Variants in ENPP6 observed in about 807,000 individuals in gnomAD.
ENPP6 encodes the protein ectonucleotide pyrophosphatase/phosphodiesterase 6, also known as glycerophosphocholine cholinephosphodiesterase ENPP6.
Under a neutral mutation model 42.0 loss-of-function variants are expected in ENPP6, and 32 were observed. The observed-to-expected ratio is 0.76, with a 90% CI of 0.58 to 1.02. The LOEUF is 1.02. Among genes scored for constraint, ENPP6 ranks in the 50% least tolerant of loss-of-function variants. The probability of loss-of-function intolerance (pLI) is 0.00; values close to 1 mark genes in which losing one functional copy is unlikely to be tolerated. For missense variants in ENPP6, 552 were observed against 566.8 expected (o/e 0.97, Z 0.27); for synonymous variants, 213 against 216.0 (o/e 0.99, Z 0.12).
At chr4:184,196,563 C>G (rs900632944) in intron 1 of ENPP6, among the ~76,000 whole-genome samples, 2 of 152,176 alleles carry the variant, frequency 1.3e-5, no homozygotes, top group Non-Finnish European at 2.9e-5. Flanking sequence ...CTCAAGGCAC[C>G]ATCCATCTCT....
chr4:184,194,311 C>T (rs983770573), intron 1 of ENPP6, among the ~76,000 whole-genome samples: 1 of 152,238 alleles, frequency 6.6e-6, no homozygotes. Flanking sequence ...TGCTCCCCCT[C>T]ATCTTCCTGT....
chr4:184,208,432 A>G (rs920310156), intron 1 of ENPP6, among the ~76,000 whole-genome samples: 34 of 152,348 alleles, frequency 2.2e-4, no homozygotes, highest in South Asian at 1.9e-3. Context: ...CTTGGGAAGC[A>G]CAAGGGGTCA....
intron 1 of ENPP6, among the ~76,000 whole-genome samples, chr4:184,204,309 A>T (rs1306288764): frequency 6.6e-6 from 1 of 152,188 alleles, no homozygotes; most frequent in Non-Finnish European, 1.5e-5. Flanking sequence ...ATATTTTTAA[A>T]CATCTAAGTA....
At chr4:184,124,788 G>A (rs553043648) in intron 2 of ENPP6, among the ~76,000 whole-genome samples, 108 of 152,310 alleles carry the variant, frequency 7.1e-4, no homozygotes, top group African/African-American at 2.5e-3. Context: ...GGCAAGCTAA[G>A]AATCAGTGAG....
At chr4:184,178,341 G>T (rs1006160778) in intron 1 of ENPP6, among the ~76,000 whole-genome samples, 5 of 151,718 alleles carry the variant, frequency 3.3e-5, no homozygotes, top group Admixed American at 6.6e-5. Context: ...GAAAAGGAAT[G>T]AGCAAAACCT....
At chr4:184,093,970 T>C (rs1735853761) in intron 7 of ENPP6, among the ~76,000 whole-genome samples, 1 of 151,990 alleles carries the variant, frequency 6.6e-6, no homozygotes, top group African/African-American at 2.4e-5. Flanking sequence ...AGCCCAGGTG[T>C]CCCACAGGCT....
chr4:184,117,713 G>C, intron 4 of ENPP6, 46 bp downstream of exon 4: 1 of 1,604,622 alleles, frequency 6.2e-7, no homozygotes, highest in Non-Finnish European at 8.5e-7. Flanking sequence ...GACAAACAGA[G>C]GGTGACAGAG....
At chr4:184,192,944 G>A (rs967668417) in intron 1 of ENPP6, among the ~76,000 whole-genome samples, 2 of 152,134 alleles carry the variant, frequency 1.3e-5, no homozygotes, top group Non-Finnish European at 2.9e-5. Flanking sequence ...AGACAATAAT[G>A]GCTCTTTTAT....
intron 1 of ENPP6, among the ~76,000 whole-genome samples, chr4:184,208,646 G>C (rs1048876382): frequency 6.7e-6 from 1 of 149,492 alleles, no homozygotes; most frequent in Non-Finnish European, 1.5e-5. Context: ...ACTGCAAGGC[G>C]GCAGCGAGGC....
At chr4:184,194,668 AAAG>A (rs909536369) in intron 1 of ENPP6, among the ~76,000 whole-genome samples, 11 of 152,194 alleles carry the variant, frequency 7.2e-5, no homozygotes, top group Admixed American at 6.5e-4. Flanking sequence ...CAGGGAGGAA[AAAG>A]AAGGAGTCAA....
At chr4:184,172,990 C>T (rs936446336) in intron 1 of ENPP6, among the ~76,000 whole-genome samples, 15 of 152,208 alleles carry the variant, frequency 9.9e-5, no homozygotes, top group South Asian at 4.2e-4. Context: ...CTACAACCTC[C>T]GCCACCAGGG....
chr4:184,153,464 C>G, intron 2 of ENPP6, 90 bp downstream of exon 2: 1 of 1,401,086 alleles, frequency 7.1e-7, no homozygotes, highest in Non-Finnish European at 9.6e-7. Context: ...TTCCAAACCA[C>G]GGCTTGGTCT....
At chr4:184,136,454 C>T (rs553175936) in intron 2 of ENPP6, among the ~76,000 whole-genome samples, 1 of 152,256 alleles carries the variant, frequency 6.6e-6, no homozygotes, top group African/African-American at 2.4e-5. Context: ...TCCTCCATCT[C>T]TGTGCTTCCA....
chr4:184,157,168 T>C (rs556914814), intron 1 of ENPP6, among the ~76,000 whole-genome samples: 1 of 152,332 alleles, frequency 6.6e-6, no homozygotes, highest in East Asian at 1.9e-4. Context: ...TGAGTAGATC[T>C]AGCCAGAATT....
chr4:184,210,288 T>G (rs1210924240), intron 1 of ENPP6, among the ~76,000 whole-genome samples: 2 of 147,040 alleles, frequency 1.4e-5, no homozygotes, highest in Non-Finnish European at 3.0e-5. Flanking sequence ...AGACACAGAC[T>G]GGCAAATTGG....
chr4:184,206,508 G>A (rs929683863), intron 1 of ENPP6, among the ~76,000 whole-genome samples: 7 of 150,940 alleles, frequency 4.6e-5, no homozygotes, highest in Admixed American at 2.0e-4. Flanking sequence ...CGCCCGTCTC[G>A]GCCTCCCAAA....
intron 1 of ENPP6, among the ~76,000 whole-genome samples, chr4:184,199,282 C>A (rs556012002): frequency 6.6e-6 from 1 of 152,204 alleles, no homozygotes; most frequent in South Asian, 2.1e-4. Flanking sequence ...AGATATCTCA[C>A]GGGCTGGGGG....
At position 184,124,929 on chromosome 4, in the gene ENPP6, C is replaced by T. The variant is rs561087913; in HGVS notation, c.422-657G>A. Among the ~76,000 whole-genome samples the T allele has an allele frequency of 3.9e-5, 6 of 152,176 alleles. 1 individual carries two copies. Among genetic ancestry groups the T allele is most frequent in the Non-Finnish European group, 8.8e-5 (6 of 68,042 alleles). On this transcript the variant is annotated intron_variant, in intron 2 of 7. Transcript: ENST00000296741. ...TGGACAAGTAGAAGTAGTTGCTCTG[C>T]CGAGAAACACCCATCCATATTAGGG... is the stretch of plus-strand genomic sequence containing the variant.
chr4:184,178,633 C>G (rs1047570083), intron 1 of ENPP6, among the ~76,000 whole-genome samples: 1 of 152,150 alleles, frequency 6.6e-6, no homozygotes, highest in African/African-American at 2.4e-5. Flanking sequence ...AGAGAAAGTC[C>G]AGGTCACCTA....
Sources: allele counts gnomAD v4.1 joint callset (sites outside exome capture counted in the v4.1 genomes callset), GRCh38; gene constraint gnomAD v4.1.1; transcripts MANE v1.5; gene names NCBI Gene and HGNC (gene_info 2026-07-23, HGNC 2026-07-21).